SMARCA2: variants seen among roughly 807,000 people sequenced by gnomAD.
SMARCA2 encodes the protein SWI/SNF related BAF chromatin remodeling complex subunit ATPase 2.
A neutral mutation model predicts 199.8 loss-of-function variants in SMARCA2; 61 were observed. That is an observed-to-expected ratio of 0.31 (90% CI 0.25 to 0.38). The LOEUF (loss-of-function observed/expected upper bound fraction) is 0.38, where lower values mean the gene tolerates loss of function less well. Ranked by LOEUF, SMARCA2 falls within the 10% of genes least tolerant of loss-of-function variation. The pLI, the probability that SMARCA2 is intolerant of heterozygous loss-of-function variation, is 1.00. For missense variants in SMARCA2, 1,344 were observed against 2,012.2 expected (o/e 0.67, Z 6.35); for synonymous variants, 935 against 732.0 (o/e 1.28, Z -4.48).
rs776972919 is a variant in SMARCA2, at chr9:2,029,084, C to A, written c.62C>A (p.Pro21His). The change falls in exon 2 of 34, where the codon CCT becomes CAT. Residue 21 changes from proline (P) to histidine (H), a missense_variant. Pro to His is a moderately conservative substitution (Grantham distance 77, BLOSUM62 -2). Coordinates refer to ENST00000349721, the MANE Select transcript of SMARCA2 (RefSeq NM_003070.5). The stretch of plus-strand genomic sequence containing the variant: ...CCAGGGCCTTCGCCGGGGCCTGGGC[C>A]TTCCCCTGGGCCAATTCTTGGGCCT... ...PHPGPSPGPG[P>H]SPGPILGPSP... 6 of 1,578,908 alleles carry A rather than the reference C, an allele frequency of 3.8e-6. No individual in the cohort carries two copies. Among genetic ancestry groups the A allele is most frequent in the African/African-American group, 1.4e-5 (1 of 74,066 alleles).
chr9:2,139,987 T>G (rs1242411591), intron 27 of SMARCA2, among the ~76,000 whole-genome samples: 1 of 151,974 alleles, frequency 6.6e-6, no homozygotes, highest in African/African-American at 2.4e-5. Flanking sequence ...TTCCCAGGAA[T>G]GACTAAGGAC....
Position 2,058,369 on chromosome 9 carries a change from C to T in SMARCA2, c.1426C>T (p.Leu476Phe). The change falls in exon 8 of 34, where the codon CTC becomes TTC. Residue 476 changes from leucine (L) to phenylalanine (F), a missense_variant. Physicochemically the swap from Leu to Phe is conservative, Grantham distance 22 (BLOSUM62 0). This residue lies in a region of SMARCA2 where 155 missense variants were observed against 260.0 expected (regional missense o/e 0.60). Transcript: ENST00000349721. ...GTCTGTGGCCGGAAAGATCCAGAAG[C>T]TCTCCAAAGCAGTGGCAACTTGGCA... ...HRSVAGKIQK[L>F]SKAVATWHAN... 2 of 1,614,128 alleles carry T rather than the reference C, an allele frequency of 1.2e-6. No homozygotes were observed. The highest frequency in any genetic ancestry group is 1.7e-6 in the Non-Finnish European group (2 of 1,179,968).
At chr9:2,150,217 C>G (rs955659974) in intron 27 of SMARCA2, among the ~76,000 whole-genome samples, 8 of 151,556 alleles carry the variant, frequency 5.3e-5, no homozygotes, top group African/African-American at 1.7e-4. Flanking sequence ...CTCATAACAT[C>G]CCTAGCATAA....
chr9:2,068,933 T>G (rs945196127), intron 9 of SMARCA2: 1 of 152,078 alleles, frequency 6.6e-6, no homozygotes, highest in Non-Finnish European at 1.5e-5. Context: ...GTTTTTTTTT[T>G]TGAGACACAG....
rs1453780445 is a variant in SMARCA2, at chr9:2,058,299, G to C, written c.1356G>C (p.Leu452=). Residue 452 remains leucine (L), a synonymous_variant, in exon 8 of 34, where the codon CTG becomes CTC. Transcript: ENST00000349721. The part of the protein sequence containing the change: ...RKRRQKHQEY[L]NSILQHAKDF... Reference sequence around the variant, plus strand: ...CTTTTTGGATCTTCTAGGAATACCTGAACAGTATTTTGCAACATGCAAAAG... The same window carrying C: ...CTTTTTGGATCTTCTAGGAATACCTCAACAGTATTTTGCAACATGCAAAAG... 2.5e-6 allele frequency: 4 copies of C among 1,613,586 alleles called. No homozygotes were observed.
At chr9:2,090,663 G>A (rs914606506) in intron 19 of SMARCA2, among the ~76,000 whole-genome samples, 4 of 152,130 alleles carry the variant, frequency 2.6e-5, no homozygotes, top group African/African-American at 9.7e-5. Context: ...TCATGTTGCT[G>A]TCTCTGTTAT....
chr9:2,098,062 AT>A (rs1822348046), intron 21 of SMARCA2, among the ~76,000 whole-genome samples: 1 of 152,222 alleles, frequency 6.6e-6, no homozygotes, highest in Non-Finnish European at 1.5e-5. Context: ...TGTTCACTCC[AT>A]GTGAATAAGT....
Position 2,104,261 on chromosome 9 carries a change from G to A in SMARCA2, c.3292+92G>A. 1 of 1,195,102 alleles carries A rather than the reference G, an allele frequency of 8.4e-7. No homozygotes were observed. The highest frequency in any genetic ancestry group is 1.2e-6 in the Non-Finnish European group (1 of 845,912). 74.0% of individuals were successfully genotyped at this position (1,195,102 alleles called of 1,614,324 possible). A position where few individuals can be genotyped will look rare whatever the true frequency, so the allele number is the denominator to read the frequency against. ...GTCCAATCTCAGCCAAAAAGAAGGG[G>A]TAAAATTGAAGAATTGACTAGAAGC... On this transcript the variant is annotated intron_variant, in intron 23 of 33. Coordinates refer to ENST00000349721, the MANE Select transcript of SMARCA2 (RefSeq NM_003070.5). The surrounding 1 kb of genome is among the most constrained non-coding windows in gnomAD (Gnocchi z 4.0).
intron 32 of SMARCA2, 36 bp downstream of exon 32, chr9:2,186,264 C>T (rs371751595): frequency 4.6e-5 from 73 of 1,591,010 alleles, no homozygotes; most frequent in Non-Finnish European, 6.0e-5. Flanking sequence ...ACATCTTTGC[C>T]CCTCCTCACC....
chr9:2,156,022 A>G (rs560808830), intron 27 of SMARCA2, among the ~76,000 whole-genome samples: 3 of 152,290 alleles, frequency 2.0e-5, no homozygotes, highest in African/African-American at 4.8e-5. Context: ...TACCCTTCAG[A>G]CCAACTCATC....
At chr9:2,033,646 A>G (rs974590880) in intron 3 of SMARCA2, among the ~76,000 whole-genome samples, 1 of 152,256 alleles carries the variant, frequency 6.6e-6, no homozygotes. Context: ...ACAAACAGAA[A>G]TGTATTCTCT....
chr9:2,078,724 C>A (rs774557664), intron 14 of SMARCA2, among the ~76,000 whole-genome samples: 1 of 152,044 alleles, frequency 6.6e-6, no homozygotes, highest in Non-Finnish European at 1.5e-5. Context: ...GTGGGCCGAT[C>A]ACAAGGTCAG....
At chr9:2,187,117 A>ATT (rs35427397) in intron 32 of SMARCA2, among the ~76,000 whole-genome samples, 16,636 of 150,596 alleles carry the variant, frequency 0.11, 957 homozygotes, top group East Asian at 0.17. Context: ...TTTGCATAGA[A>ATT]TTTTTTTTTT....
intron 7 of SMARCA2, among the ~76,000 whole-genome samples, chr9:2,057,605 C>T (rs923750569): frequency 2.6e-5 from 4 of 152,156 alleles, no homozygotes; most frequent in Non-Finnish European, 5.9e-5. Context: ...GTCCTGGCTT[C>T]TCTGAAGGGC....
intron 3 of SMARCA2, among the ~76,000 whole-genome samples, chr9:2,034,993 G>A (rs1819259610): frequency 6.6e-6 from 1 of 151,298 alleles, no homozygotes; most frequent in Non-Finnish European, 1.5e-5. Flanking sequence ...GTATGTTCAT[G>A]GAGCTAATAT....
At chr9:2,117,903 C>T (rs1375527829) in intron 25 of SMARCA2, among the ~76,000 whole-genome samples, 2 of 152,216 alleles carry the variant, frequency 1.3e-5, no homozygotes, top group Admixed American at 6.5e-5. Context: ...TGAGAGACTG[C>T]AGTCAAAGAC....
chr9:2,096,811 C>G, intron 20 of SMARCA2, 47 bp downstream of exon 20: 3 of 1,107,206 alleles, frequency 2.7e-6, no homozygotes, highest in East Asian at 2.3e-5. Flanking sequence ...GGTATGTCTT[C>G]TCATGGCTGT....
chr9:2,099,795 C>T (rs910003584), intron 21 of SMARCA2, among the ~76,000 whole-genome samples: 1 of 152,148 alleles, frequency 6.6e-6, no homozygotes, highest in Non-Finnish European at 1.5e-5. Context: ...CTCACTGCCT[C>T]CCTGGGGACC....
intron 29 of SMARCA2, among the ~76,000 whole-genome samples, chr9:2,180,515 C>T (rs1181984238): frequency 6.6e-6 from 1 of 152,168 alleles, no homozygotes; most frequent in East Asian, 1.9e-4. Context: ...CTAGAATCAC[C>T]TTCTGAAATT....
Sources: gnomAD v4.1 joint callset for allele counts (sites outside exome capture counted in the v4.1 genomes callset) on GRCh38, gnomAD v4.1.1 for gene constraint, gnomAD v4.1.1 regional missense constraint, Gnocchi (gnomAD v3.1) non-coding constraint, MANE v1.5 for transcripts, NCBI Gene and HGNC (gene_info 2026-07-23, HGNC 2026-07-21) for gene names.